The following USP3 variants were observed in gnomAD, a reference collection of about 807,000 sequenced individuals.
The protein encoded by USP3 is ubiquitin specific peptidase 3, also known as ubiquitin carboxyl-terminal hydrolase 3.
Under a neutral mutation model 72.3 loss-of-function variants are expected in USP3, and 20 were observed. That is an observed-to-expected ratio of 0.28 (90% CI 0.19 to 0.40). USP3 has a LOEUF of 0.40. Among genes scored for constraint, USP3 ranks in the 10% least tolerant of loss-of-function variants. The probability of loss-of-function intolerance (pLI) is 1.00; values close to 1 mark genes in which losing one functional copy is unlikely to be tolerated. For synonymous variants in USP3, 222 were observed against 225.3 expected, an observed-to-expected ratio of 0.99 and a Z score of 0.13; for missense variants, 479 against 633.9, an observed-to-expected ratio of 0.76 and a Z score of 2.62.
At chr15:63,547,801 GCATAGA>G (rs1567108755) in intron 3 of USP3, among the ~76,000 whole-genome samples, 1 of 17,862 alleles carries the variant, frequency 5.6e-5, no homozygotes. Flanking sequence ...AGAGAGAGAG[GCATAGA>G]GAGAGGCATA....
Position 63,529,007 on chromosome 15 carries a change from T to C in USP3, c.92-3640T>C, listed in dbSNP as rs1454351115. ...CTCATAATACCCTATCCTCTGTATC[T>C]TTCTAGCCTTCAAATGTTTATCTGG... On this transcript the variant is annotated intron_variant, in intron 1 of 14. Transcript: ENST00000380324. The surrounding 1 kb of genome is among the most constrained non-coding windows in gnomAD (Gnocchi z 4.2). The C allele has an allele frequency of 7.8e-7, 1 of 1,288,814 alleles. No homozygotes were observed. The highest frequency in any genetic ancestry group is 2.3e-5 in the Admixed American group (1 of 43,522). 79.8% of individuals were successfully genotyped at this position (1,288,814 alleles called of 1,614,324 possible).
At chr15:63,507,919 T>A (rs2065734429) in intron 1 of USP3, among the ~76,000 whole-genome samples, 1 of 152,124 alleles carries the variant, frequency 6.6e-6, no homozygotes, top group Non-Finnish European at 1.5e-5. Context: ...ATAACATAAA[T>A]TGACAGTTTA....
chr15:63,549,803 T>C (rs1365778690), intron 3 of USP3, among the ~76,000 whole-genome samples: 1 of 152,222 alleles, frequency 6.6e-6, no homozygotes, highest in African/African-American at 2.4e-5. Flanking sequence ...TGGTTTACTC[T>C]TTGATTGTCG....
At chr15:63,585,158 T>C (rs1214762917) in intron 11 of USP3, among the ~76,000 whole-genome samples, 1 of 152,224 alleles carries the variant, frequency 6.6e-6, no homozygotes, top group East Asian at 1.9e-4. Flanking sequence ...AAATTGAAAG[T>C]ATGAGTCCTA....
chr15:63,538,004 G>A (rs1229646743), intron 3 of USP3, among the ~76,000 whole-genome samples: 1 of 147,598 alleles, frequency 6.8e-6, no homozygotes, highest in African/African-American at 2.5e-5. Context: ...TTTTTTTTTA[G>A]TATCCTTTAA....
chr15:63,525,848 A>G (rs1370254286), intron 1 of USP3, among the ~76,000 whole-genome samples: 1 of 152,174 alleles, frequency 6.6e-6, no homozygotes, highest in African/African-American at 2.4e-5. Context: ...CTCCAGTTTT[A>G]AGAGGAATAA....
chr15:63,552,367 C>T (rs2066449537), intron 3 of USP3, among the ~76,000 whole-genome samples: 1 of 152,036 alleles, frequency 6.6e-6, no homozygotes. Flanking sequence ...CGAGAAGGAG[C>T]AAAAAATTAA....
intron 1 of USP3, among the ~76,000 whole-genome samples, chr15:63,514,066 A>G (rs937351540): frequency 2.0e-5 from 3 of 152,222 alleles, no homozygotes; most frequent in Non-Finnish European, 4.4e-5. Context: ...TGCTTTATAA[A>G]AACTGAAGGA....
At position 63,504,842 on chromosome 15, in the gene USP3, C is replaced by T. The variant is rs778504256; in HGVS notation, c.91+12C>T. 1 of 1,595,104 alleles carries T rather than the reference C, an allele frequency of 6.3e-7. No homozygotes were observed. Among genetic ancestry groups the T allele is most frequent in the South Asian group, 1.1e-5 (1 of 89,084 alleles). On this transcript the variant is annotated intron_variant, in intron 1 of 14. Coordinates refer to ENST00000380324, the MANE Select transcript of USP3 (RefSeq NM_006537.4). ...CTGGTGCTGCAGCGGTGAGTGCGGC[C>T]ACGGGCCGGCCCCGCAGCGCACCCG...
chr15:63,554,421 G>A (rs2066479157), intron 4 of USP3, among the ~76,000 whole-genome samples: 1 of 152,118 alleles, frequency 6.6e-6, no homozygotes, highest in Admixed American at 6.6e-5. Flanking sequence ...AAACTCACTG[G>A]ACCCGAAATT....
rs528923516 is a variant in USP3 at position 63,543,297 on chromosome 15, A to T, written c.284+6141A>T. Among the ~76,000 whole-genome samples, 22 of 152,238 alleles carry T rather than the reference A, an allele frequency of 1.4e-4. No homozygotes were observed. In the South Asian group the frequency reaches 4.4e-3, roughly 30 times the overall value. ...GGTCCTCAAACATATTGTGAACAAC[A>T]TTAAAAAAAAAAGACACATTTTACT... On this transcript the variant is annotated intron_variant, in intron 3 of 14. Transcript: ENST00000380324.
At chr15:63,512,109 C>T (rs1211503987) in intron 1 of USP3, among the ~76,000 whole-genome samples, 1 of 151,958 alleles carries the variant, frequency 6.6e-6, no homozygotes, top group African/African-American at 2.4e-5. Context: ...ACGCACACCA[C>T]CATACCCGGC....
intron 3 of USP3, among the ~76,000 whole-genome samples, chr15:63,539,618 A>G (rs1220372437): frequency 6.6e-6 from 1 of 152,180 alleles, no homozygotes; most frequent in Non-Finnish European, 1.5e-5. Flanking sequence ...ATGTCGTTTC[A>G]TGGTGGAATT....
intron 3 of USP3, among the ~76,000 whole-genome samples, chr15:63,547,596 C>T (rs138840551): frequency 2.6e-5 from 4 of 151,782 alleles, no homozygotes; most frequent in Non-Finnish European, 4.4e-5. Context: ...CAGGCATGGT[C>T]GCTCATGCGT....
chr15:63,574,210 C>A lies in USP3; in HGVS notation c.1015+58C>A, dbSNP rs944299457. The A allele has an allele frequency of 5.0e-6, 7 of 1,404,174 alleles. No homozygotes were observed. The highest frequency in any genetic ancestry group is 6.6e-6 in the Non-Finnish European group (7 of 1,056,134). The allele number at this position is 1,404,174 out of a possible 1,614,324, so 87.0% of individuals were successfully genotyped here. A position where few individuals can be genotyped will look rare whatever the true frequency, so the allele number is the denominator to read the frequency against. The stretch of plus-strand genomic sequence containing the variant: ...TTTTATTAAAATAAATTTAATGTTT[C>A]CTTCAAAAAATAAGTGTAAAGAGAA... On this transcript the variant is annotated intron_variant, in intron 10 of 14. Coordinates refer to ENST00000380324, the MANE Select transcript of USP3 (RefSeq NM_006537.4). The surrounding 1 kb of genome is among the most constrained non-coding windows in gnomAD (Gnocchi z 4.6).
At chr15:63,518,573 T>C (rs1372133411) in intron 1 of USP3, among the ~76,000 whole-genome samples, 3 of 152,224 alleles carry the variant, frequency 2.0e-5, no homozygotes, top group Admixed American at 6.5e-5. Context: ...GATTTTGATA[T>C]AATTTTATAC....
chr15:63,568,171 G>GT (rs1221208428), intron 8 of USP3, among the ~76,000 whole-genome samples: 3 of 152,028 alleles, frequency 2.0e-5, no homozygotes, highest in Non-Finnish European at 4.4e-5. Flanking sequence ...GGTCAACATG[G>GT]TGAAACCCCG....
chr15:63,561,046 A>AAC (rs2066600208), intron 7 of USP3, among the ~76,000 whole-genome samples: 1 of 151,920 alleles, frequency 6.6e-6, no homozygotes, highest in Non-Finnish European at 1.5e-5. Flanking sequence ...CCAGGCGTGG[A>AAC]GCAGGGCTGG....
At position 63,574,176 on chromosome 15, in the gene USP3, T is replaced by C. The variant is rs767015785; in HGVS notation, c.1015+24T>C. The C allele has an allele frequency of 1.4e-6, 2 of 1,469,068 alleles. No homozygotes were observed. Among genetic ancestry groups the C allele is most frequent in the Non-Finnish European group, 1.8e-6 (2 of 1,093,696 alleles). 91.0% of individuals were successfully genotyped at this position (1,469,068 alleles called of 1,614,324 possible). On this transcript the variant is annotated intron_variant, in intron 10 of 14. Transcript: ENST00000380324. This position sits in a 1 kb window ranked among gnomAD's most constrained non-coding sequence, Gnocchi z 4.6. ...AGGTAAGATATATGTGGCATGTGGA[T>C]ATATAATATTTTATTAAAATAAATT... is the stretch of plus-strand genomic sequence containing the variant.
Sources: gnomAD v4.1 joint callset for allele counts (sites outside exome capture counted in the v4.1 genomes callset) on GRCh38, gnomAD v4.1.1 for gene constraint, Gnocchi (gnomAD v3.1) non-coding constraint, MANE v1.5 for transcripts, NCBI Gene and HGNC (gene_info 2026-07-23, HGNC 2026-07-21) for gene names.